ACMSD: variants seen among roughly 807,000 people sequenced by gnomAD.
The protein encoded by ACMSD is 2-amino-3-carboxymuconate-6-semialdehyde decarboxylase.
A neutral mutation model predicts 45.9 loss-of-function variants in ACMSD; 37 were observed. That is an observed-to-expected ratio of 0.81 (90% CI 0.62 to 1.06). The LOEUF (loss-of-function observed/expected upper bound fraction) is 1.06. ACMSD is among the 50% of genes least tolerant of loss of function. The probability of loss-of-function intolerance (pLI) is 0.00; values close to 1 mark genes in which losing one functional copy is unlikely to be tolerated. For missense variants in ACMSD, 434 were observed against 420.9 expected, an observed-to-expected ratio of 1.03 and a Z score of -0.27; for synonymous variants, 138 against 148.8, an observed-to-expected ratio of 0.93 and a Z score of 0.53.
intron 2 of ACMSD, among the ~76,000 whole-genome samples, chr2:134,846,246 G>A (rs775114188): frequency 2.0e-5 from 3 of 152,154 alleles, no homozygotes; most frequent in Non-Finnish European, 4.4e-5. Context: ...TTCTCAAACT[G>A]TGGTCCCACA....
chr2:134,842,526 C>T (rs988434031), intron 1 of ACMSD, among the ~76,000 whole-genome samples: 1 of 152,088 alleles, frequency 6.6e-6, no homozygotes. Flanking sequence ...GCACCATCAC[C>T]ATCAGCCATC....
rs10617563 is a variant in ACMSD at position 134,849,963 on chromosome 2, A to AACAC, written c.102+4719_102+4722dup. 6.3e-3 allele frequency among the ~76,000 whole-genome samples: 918 copies of AACAC among 145,994 alleles called. 2 individuals carry two copies. The highest frequency in any genetic ancestry group is 0.011 in the East Asian group (52 of 4,842). ...ACTGAGTTCATCCCAGGGCCTTGGGAACACACACACACACACACACACACA... is the reference window on the plus strand; with the variant it reads ...ACTGAGTTCATCCCAGGGCCTTGGGAACACACACACACACACACACACACACACA... On this transcript the variant is annotated intron_variant, in intron 2 of 9. Coordinates refer to ENST00000356140, the MANE Select transcript of ACMSD (RefSeq NM_138326.3).
intron 2 of ACMSD, among the ~76,000 whole-genome samples, chr2:134,853,888 TC>T (rs373989116): frequency 9.7e-4 from 147 of 152,316 alleles, no homozygotes; most frequent in African/African-American, 3.4e-3. Context: ...TGAGAGGCAC[TC>T]CCAGCCCCTA....
At chr2:134,885,378 A>T (rs1331099677) in intron 8 of ACMSD, among the ~76,000 whole-genome samples, 2 of 104,870 alleles carry the variant, frequency 1.9e-5, no homozygotes, top group African/African-American at 3.8e-5. Context: ...ATTATATATA[A>T]TATATATGTA....
chr2:134,862,896 G>A (rs1298726428), intron 4 of ACMSD: 2 of 914,464 alleles, frequency 2.2e-6, no homozygotes, highest in Non-Finnish European at 2.6e-6. Flanking sequence ...ATTTTGCCAA[G>A]GACAGCCCTG....
rs762257405 is a variant in ACMSD, at chr2:134,845,217, C to G, written c.58-16C>G. 6.2e-7 allele frequency: 1 copy of G among 1,613,968 alleles called. No individual in the cohort carries two copies. The highest frequency in any genetic ancestry group is 1.3e-5 in the African/African-American group (1 of 74,906). On this transcript the variant is annotated splice_polypyrimidine_tract_variant and intron_variant, in intron 1 of 9. Transcript: ENST00000356140. The stretch of plus-strand genomic sequence containing the variant: ...TCTTTGCTCTTTGACTCTAACTGTG[C>G]TTCTCCCCACTGCAGAGGTTTGGCT...
chr2:134,872,684 T>C, intron 8 of ACMSD, 43 bp downstream of exon 8: 2 of 1,607,370 alleles, frequency 1.2e-6, no homozygotes, highest in Non-Finnish European at 1.7e-6. Flanking sequence ...GGGAGCAGAA[T>C]GCTGCATCAG....
chr2:134,898,946 A>G (rs1181653434), intron 9 of ACMSD, among the ~76,000 whole-genome samples: 3 of 151,970 alleles, frequency 2.0e-5, no homozygotes, highest in Admixed American at 1.3e-4. Flanking sequence ...TACCTAGTCT[A>G]CCCCTTAGAC....
chr2:134,850,268 T>G (rs568500921), intron 2 of ACMSD, among the ~76,000 whole-genome samples: 11 of 114,640 alleles, frequency 9.6e-5, no homozygotes, highest in Admixed American at 8.4e-4. Flanking sequence ...AAAATAGATT[T>G]CTTTTTTTTT....
intron 5 of ACMSD, 101 bp from the exon 6 acceptor site, chr2:134,867,478 C>A (rs950920544): frequency 7.1e-6 from 6 of 841,954 alleles, no homozygotes; most frequent in African/African-American, 6.7e-5. Flanking sequence ...TTTGTGCAGA[C>A]CAATATAGAC....
chr2:134,878,119 C>T (rs1054832869), intron 8 of ACMSD, among the ~76,000 whole-genome samples: 51 of 152,288 alleles, frequency 3.3e-4, no homozygotes, highest in African/African-American at 8.7e-4. Context: ...GTGAACTGAA[C>T]AGACAAGTTC....
intron 6 of ACMSD, among the ~76,000 whole-genome samples, chr2:134,868,284 G>A (rs949224693): frequency 6.6e-6 from 1 of 152,066 alleles, no homozygotes; most frequent in Non-Finnish European, 1.5e-5. Context: ...TCCACGAAAG[G>A]GTAGAGGAGA....
At chr2:134,878,233 T>C (rs1688857219) in intron 8 of ACMSD, among the ~76,000 whole-genome samples, 1 of 152,240 alleles carries the variant, frequency 6.6e-6, no homozygotes, top group Admixed American at 6.5e-5. Context: ...AGGAGGTCAC[T>C]AGCCACTAGC....
intron 8 of ACMSD, among the ~76,000 whole-genome samples, chr2:134,883,217 G>A (rs927810167): frequency 3.3e-5 from 5 of 151,954 alleles, no homozygotes; most frequent in Non-Finnish European, 7.4e-5. Flanking sequence ...TTAAAAACTG[G>A]TGCATGATTA....
At chr2:134,867,831 A>T in intron 6 of ACMSD, 159 bp downstream of exon 6, 1 of 262,108 alleles carries the variant, frequency 3.8e-6, no homozygotes, top group Middle Eastern at 1.2e-3. Flanking sequence ...GATTAATGCT[A>T]TATATATATA....
intron 1 of ACMSD, 85 bp from the exon 2 acceptor site, chr2:134,845,147 GC>G: frequency 7.2e-7 from 1 of 1,387,938 alleles, no homozygotes; most frequent in Non-Finnish European, 1.0e-6. Context: ...GAAAGGTGGA[GC>G]TCAGGATCTT....
At chr2:134,846,173 G>C (rs942799260) in intron 2 of ACMSD, among the ~76,000 whole-genome samples, 1 of 152,120 alleles carries the variant, frequency 6.6e-6, no homozygotes, top group African/African-American at 2.4e-5. Flanking sequence ...AGAAGAAAGG[G>C]AACAAAGGCA....
At chr2:134,885,290 T>TA (rs374618397) in intron 8 of ACMSD, among the ~76,000 whole-genome samples, 37 of 45,426 alleles carry the variant, frequency 8.1e-4, no homozygotes, top group Middle Eastern at 0.036. Context: ...ATATATTATA[T>TA]TTATATATAT....
chr2:134,872,157 CTG>C (rs1688485664), intron 7 of ACMSD, among the ~76,000 whole-genome samples: 2 of 152,104 alleles, frequency 1.3e-5, no homozygotes, highest in Non-Finnish European at 2.9e-5. Flanking sequence ...TGGGGTTTCA[CTG>C]TGTTAGCCAG....
Sources: allele counts gnomAD v4.1 joint callset (sites outside exome capture counted in the v4.1 genomes callset), GRCh38; gene constraint gnomAD v4.1.1; transcripts MANE v1.5; gene names NCBI Gene and HGNC (gene_info 2026-07-23, HGNC 2026-07-21).